The following GPT2 variants were observed in gnomAD, a reference collection of about 807,000 sequenced individuals.
GPT2 encodes the protein glutamic--pyruvic transaminase 2, also known as alanine aminotransferase 2.
GPT2 carries 30 observed loss-of-function variants against 56.9 expected under a neutral mutation model. That is an observed-to-expected ratio of 0.53 (90% CI 0.39 to 0.72). The LOEUF (loss-of-function observed/expected upper bound fraction) is 0.72. Among genes scored for constraint, GPT2 ranks in the 30% least tolerant of loss-of-function variants. GPT2 has a pLI of 0.00. For synonymous variants in GPT2, 271 were observed against 283.1 expected (o/e 0.96, Z 0.43); for missense variants, 542 against 703.4 (o/e 0.77, Z 2.60).
intron 4 of GPT2, among the ~76,000 whole-genome samples, chr16:46,904,129 G>A (rs926841883): frequency 1.3e-5 from 2 of 152,216 alleles, no homozygotes; most frequent in Admixed American, 1.3e-4. Flanking sequence ...GTGTAGTGGA[G>A]CACAGCCCGC....
intron 5 of GPT2, among the ~76,000 whole-genome samples, chr16:46,908,810 C>G (rs1222995217): frequency 6.6e-6 from 1 of 152,160 alleles, no homozygotes; most frequent in Admixed American, 6.5e-5. Flanking sequence ...CCACAAGATT[C>G]AGTGGAAAGA....
intron 2 of GPT2, among the ~76,000 whole-genome samples, chr16:46,894,347 T>C (rs1348089579): frequency 1.3e-5 from 2 of 152,214 alleles, no homozygotes; most frequent in African/African-American, 4.8e-5. Context: ...CTGTGAAGAA[T>C]GGGCTGTATC....
chr16:46,892,368 C>T (rs1474305963), intron 2 of GPT2, among the ~76,000 whole-genome samples: 1 of 152,144 alleles, frequency 6.6e-6, no homozygotes, highest in Non-Finnish European at 1.5e-5. Flanking sequence ...TATCTTGGCT[C>T]TTAGGAATAG....
At position 46,918,692 on chromosome 16, in the gene GPT2, G is replaced by C. The variant is rs1183946723; in HGVS notation, c.972G>C (p.Gly324=). The C allele has an allele frequency of 1.2e-6, 2 of 1,614,180 alleles. No homozygotes were observed. Among genetic ancestry groups the C allele is most frequent in the Admixed American group, 3.3e-5 (2 of 60,022 alleles). The change falls in exon 8 of 12, where the codon GGG becomes GGC. Residue 324 remains glycine, a synonymous_variant. Coordinates refer to ENST00000340124, the MANE Select transcript of GPT2 (RefSeq NM_133443.4). ...TCAAGAAGGTGCTGTACGAGATGGGGCCCGAGTACTCCAGCAACGTGGAGC... is the reference window on the plus strand; with the variant it reads ...TCAAGAAGGTGCTGTACGAGATGGGCCCCGAGTACTCCAGCAACGTGGAGC... ...HSFKKVLYEM[G]PEYSSNVELA... is the part of the protein sequence containing the mutation.
intron 11 of GPT2, among the ~76,000 whole-genome samples, chr16:46,927,464 C>T (rs550504449): frequency 2.6e-5 from 4 of 152,326 alleles, no homozygotes; most frequent in Admixed American, 2.6e-4. Context: ...GATCCCAGAG[C>T]CTGCCGAGGA....
chr16:46,920,580 G>C (rs1961266909), intron 8 of GPT2, among the ~76,000 whole-genome samples: 1 of 152,242 alleles, frequency 6.6e-6, no homozygotes, highest in Non-Finnish European at 1.5e-5. Context: ...TTCTGTGCCA[G>C]GTGTCGGCAT....
At chr16:46,891,117 C>T (rs761906718) in intron 2 of GPT2, among the ~76,000 whole-genome samples, 6 of 152,214 alleles carry the variant, frequency 3.9e-5, no homozygotes, top group East Asian at 3.8e-4. Flanking sequence ...AGGTGATCCA[C>T]CCGCCATGGC....
chr16:46,896,022 C>T (rs1183922868), intron 2 of GPT2, among the ~76,000 whole-genome samples: 1 of 152,214 alleles, frequency 6.6e-6, no homozygotes, highest in East Asian at 1.9e-4. Context: ...GCCAGGCCCT[C>T]CCACCCGGGC....
chr16:46,898,049 G>A (rs186591094), intron 3 of GPT2, among the ~76,000 whole-genome samples: 5 of 152,236 alleles, frequency 3.3e-5, no homozygotes, highest in African/African-American at 1.2e-4. Flanking sequence ...GGAAAGGCTG[G>A]CTGGGCTGGG....
intron 9 of GPT2, among the ~76,000 whole-genome samples, chr16:46,923,348 C>T (rs538337730): frequency 6.6e-6 from 1 of 152,304 alleles, no homozygotes; most frequent in African/African-American, 2.4e-5. Context: ...ATCCCAACTA[C>T]TCGGGAGGCT....
chr16:46,888,497 C>T (rs1960526635), intron 2 of GPT2, among the ~76,000 whole-genome samples: 1 of 152,156 alleles, frequency 6.6e-6, no homozygotes, highest in Non-Finnish European at 1.5e-5. Flanking sequence ...CAGGTGCCCG[C>T]CGCCACACCC....
chr16:46,915,590 CCCA>C (rs940491628), intron 6 of GPT2: 3 of 149,164 alleles, frequency 2.0e-5, no homozygotes, highest in East Asian at 2.0e-4. Flanking sequence ...AGACACACAC[CCCA>C]CCACACCTAC....
chr16:46,925,600 G>A (rs1032934615), intron 10 of GPT2, among the ~76,000 whole-genome samples: 16 of 152,114 alleles, frequency 1.1e-4, no homozygotes, highest in Admixed American at 2.6e-4. Flanking sequence ...GGAGGCTGAA[G>A]TGGGAGGATC....
intron 6 of GPT2, among the ~76,000 whole-genome samples, chr16:46,910,461 G>A (rs1961027533): frequency 1.3e-5 from 2 of 151,164 alleles, no homozygotes; most frequent in Admixed American, 6.6e-5. Context: ...AAGCTGAGGT[G>A]GAAGGATCGC....
At chr16:46,926,084 T>A (rs1454997478) in intron 10 of GPT2, among the ~76,000 whole-genome samples, 1 of 130,538 alleles carries the variant, frequency 7.7e-6, no homozygotes, top group Non-Finnish European at 1.5e-5. Context: ...TGAGCCGAGA[T>A]CACGCCATTG....
chr16:46,924,680 G>T lies in GPT2; in HGVS notation c.1368+136G>T. ...ACTGTATGCACCTCTCGGCCAGAGGGTGTTGACCGTGTAAAGATGACAGGT... is the reference window on the plus strand; with the variant it reads ...ACTGTATGCACCTCTCGGCCAGAGGTTGTTGACCGTGTAAAGATGACAGGT... On this transcript the variant is annotated intron_variant, in intron 10 of 11. Coordinates refer to ENST00000340124, the MANE Select transcript of GPT2 (RefSeq NM_133443.4). 4 of 862,088 alleles carry T rather than the reference G, an allele frequency of 4.6e-6. No individual in the cohort carries two copies. The South Asian group carries it at 6.5e-5, about 14-fold the overall frequency. The allele number at this position is 862,088 out of a possible 1,614,324, so 53.4% of individuals were successfully genotyped here. A position where few individuals can be genotyped will look rare whatever the true frequency, so the allele number is the denominator to read the frequency against.
chr16:46,915,035 A>G (rs1319266051), intron 6 of GPT2, among the ~76,000 whole-genome samples: 1 of 152,130 alleles, frequency 6.6e-6, no homozygotes, highest in East Asian at 1.9e-4. Context: ...CTCCAGTCTC[A>G]GCCTCCCAAG....
At chr16:46,906,694 C>T in intron 4 of GPT2, 148 bp from the exon 5 acceptor site, 1 of 1,025,976 alleles carries the variant, frequency 9.7e-7, no homozygotes, top group Admixed American at 2.1e-5. Flanking sequence ...TAAGCAGTTT[C>T]CCACAGTTCC....
intron 3 of GPT2, among the ~76,000 whole-genome samples, chr16:46,900,234 G>T (rs982601722): frequency 1.3e-5 from 2 of 152,076 alleles, no homozygotes; most frequent in South Asian, 2.1e-4. Flanking sequence ...GGGAGGAAAG[G>T]GGGTGATGAG....
Sources: allele counts gnomAD v4.1 joint callset (sites outside exome capture counted in the v4.1 genomes callset), GRCh38; gene constraint gnomAD v4.1.1; transcripts MANE v1.5; gene names NCBI Gene and HGNC (gene_info 2026-07-23, HGNC 2026-07-21).